The following TET1 variants were observed in gnomAD, a reference collection of about 807,000 sequenced individuals.
The protein encoded by TET1 is tet methylcytosine dioxygenase 1, also known as methylcytosine dioxygenase TET1.
In TET1, 13 loss-of-function variants were observed where a neutral mutation model predicts 148.7. The ratio of observed to expected loss-of-function variants is 0.09; its 90% confidence interval spans 0.06 to 0.14. TET1 has a LOEUF of 0.14. Among genes scored for constraint, TET1 ranks in the 10% least tolerant of loss-of-function variants. TET1 has a pLI of 1.00. For missense variants in TET1, 2,182 were observed against 2,553.8 expected, an observed-to-expected ratio of 0.85 and a Z score of 3.14; for synonymous variants, 907 against 937.2, an observed-to-expected ratio of 0.97 and a Z score of 0.59.
At chr10:68,648,546 G>A (rs2054885315) in intron 4 of TET1, among the ~76,000 whole-genome samples, 1 of 152,112 alleles carries the variant, frequency 6.6e-6, no homozygotes, top group South Asian at 2.1e-4. Context: ...CTTAAAATAT[G>A]GCTCCAAATC....
chr10:68,561,848 G>C (rs2053558461), intron 1 of TET1, among the ~76,000 whole-genome samples: 1 of 151,974 alleles, frequency 6.6e-6, no homozygotes, highest in Non-Finnish European at 1.5e-5. Flanking sequence ...GGGCATTTCT[G>C]ATCCACTAAA....
chr10:68,652,579 T>C lies in TET1; in HGVS notation c.4446T>C (p.Cys1482=). The change falls in exon 6 of 12, where the codon TGT becomes TGC. Residue 1482 remains cysteine (C), a synonymous_variant. Coordinates refer to ENST00000373644, the MANE Select transcript of TET1 (RefSeq NM_030625.3). The stretch of plus-strand genomic sequence containing the variant: ...AAGAAGGGAAAAGCTCTCATGGGTG[T>C]CCAATTGCTAAGTGGGTAAGTATTT... ...TGKEGKSSHG[C]PIAKWVLRRS... is the part of the protein sequence containing the mutation. The C allele has an allele frequency of 6.2e-7, 1 of 1,610,024 alleles. No individual in the cohort carries two copies. Among genetic ancestry groups the C allele is most frequent in the Non-Finnish European group, 8.5e-7 (1 of 1,177,694 alleles).
intron 2 of TET1, among the ~76,000 whole-genome samples, chr10:68,586,858 C>T (rs1040388627): frequency 1.3e-5 from 2 of 152,144 alleles, no homozygotes; most frequent in African/African-American, 4.8e-5. Context: ...GTCTGCTATA[C>T]AACAGATGCT....
intron 3 of TET1, among the ~76,000 whole-genome samples, chr10:68,622,235 T>C (rs953584576): frequency 9.6e-6 from 1 of 104,648 alleles, no homozygotes; most frequent in South Asian, 3.6e-4. Flanking sequence ...CCTTCCTCCC[T>C]TCCCTCCCTC....
At chr10:68,651,135 T>C (rs986429045) in intron 4 of TET1, among the ~76,000 whole-genome samples, 2 of 152,170 alleles carry the variant, frequency 1.3e-5, no homozygotes, top group Admixed American at 1.3e-4. Context: ...TACAAATAAT[T>C]GTAACAAGGA....
At position 68,691,987 on chromosome 10, in the gene TET1, T is replaced by C. The variant is rs1237528700; in HGVS notation, c.*173T>C. On this transcript the variant is annotated 3_prime_UTR_variant, in exon 12 of 12. Transcript: ENST00000373644. The surrounding 1 kb of genome is among the most constrained non-coding windows in gnomAD (Gnocchi z 4.4). The stretch of plus-strand genomic sequence containing the variant: ...GGGTATTCTTAACTGTGACTATATT[T>C]TGACAATTGGTAGAAGGTGCACATT... The C allele has an allele frequency of 2.8e-6, 2 of 720,576 alleles. No homozygotes were observed. The highest frequency in any genetic ancestry group is 4.3e-6 in the Non-Finnish European group (2 of 463,494). The allele number at this position is 720,576 out of a possible 1,614,324, so 44.6% of individuals were successfully genotyped here. A position where few individuals can be genotyped will look rare whatever the true frequency, so the allele number is the denominator to read the frequency against.
At position 68,604,403 on chromosome 10, in the gene TET1, A is replaced by C. The variant is rs1282713688; in HGVS notation, c.1968+3369A>C. On this transcript the variant is annotated intron_variant, in intron 3 of 11. Transcript: ENST00000373644. ...TTAAGGAAAGAACTAAGGATGGTGA[A>C]GAAATCCAGATCTAATGAAGGCAGA... Among the ~76,000 whole-genome samples the C allele has an allele frequency of 1.7e-4, 26 of 152,348 alleles. No homozygotes were observed. In the East Asian group the frequency reaches 4.6e-3, roughly 27 times the overall value.
chr10:68,580,846 T>C (rs1465273975), intron 2 of TET1, among the ~76,000 whole-genome samples: 2 of 150,372 alleles, frequency 1.3e-5, no homozygotes, highest in Admixed American at 6.7e-5. Context: ...GCCCACACTT[T>C]TGTAATCCCA....
At chr10:68,624,795 A>C (rs958109055) in intron 3 of TET1, among the ~76,000 whole-genome samples, 1 of 145,056 alleles carries the variant, frequency 6.9e-6, no homozygotes, top group Non-Finnish European at 1.5e-5. Flanking sequence ...GCAGTGGCGC[A>C]ATCTCAGCTC....
At chr10:68,629,778 C>T (rs2054541666) in intron 3 of TET1, among the ~76,000 whole-genome samples, 2 of 152,036 alleles carry the variant, frequency 1.3e-5, no homozygotes, top group Non-Finnish European at 2.9e-5. Flanking sequence ...TCTTGTGATC[C>T]ACCCAATTTG....
At chr10:68,659,910 T>C (rs1450328150) in intron 6 of TET1, among the ~76,000 whole-genome samples, 1 of 152,204 alleles carries the variant, frequency 6.6e-6, no homozygotes, top group African/African-American at 2.4e-5. Flanking sequence ...AAAGGTGGAA[T>C]TGTATTGTAA....
chr10:68,568,217 C>CTT (rs566751115), intron 1 of TET1, among the ~76,000 whole-genome samples: 99 of 93,766 alleles, frequency 1.1e-3, no homozygotes, highest in African/African-American at 1.7e-3. Flanking sequence ...CGCGCCCAGT[C>CTT]TTTTTTTTTT....
At chr10:68,632,835 T>TA (rs34118781) in intron 3 of TET1, 59,752 of 432,696 alleles carry the variant, frequency 0.14, 1,233 homozygotes, top group South Asian at 0.2. Context: ...GTTTAAGTTG[T>TA]AAAAAAAAAA....
In TET1 at chr10:68,645,277, C is replaced by T. The variant is rs766969350; in HGVS notation, c.2548C>T (p.His850Tyr). 3 of 1,614,112 alleles carry T rather than the reference C, an allele frequency of 1.9e-6. No homozygotes were observed. The highest frequency in any genetic ancestry group is 1.7e-6 in the Non-Finnish European group (2 of 1,180,030). Residue 850 changes from histidine to tyrosine, a missense_variant, in exon 4 of 12, where the codon CAC (histidine) becomes TAC (tyrosine). This residue lies in a region of TET1 where 582 missense variants were observed against 599.5 expected (regional missense o/e 0.97). Transcript: ENST00000373644. ...HSIINHHASI[H>Y]NEGDQPKTPE... ...CATCATAAATCATCATGCTAGTATACACAATGAAGGTGATCAACCAAAAAC... is the reference window on the plus strand; with the variant it reads ...CATCATAAATCATCATGCTAGTATATACAATGAAGGTGATCAACCAAAAAC...
intron 3 of TET1, among the ~76,000 whole-genome samples, chr10:68,603,859 A>C (rs921023918): frequency 6.6e-6 from 1 of 152,234 alleles, no homozygotes; most frequent in African/African-American, 2.4e-5. Context: ...ATAGCGATCT[A>C]AATCCTGATT....
intron 2 of TET1, among the ~76,000 whole-genome samples, chr10:68,600,777 C>A (rs2054044769): frequency 6.6e-6 from 1 of 152,126 alleles, no homozygotes; most frequent in African/African-American, 2.4e-5. Context: ...AGGGTATTTC[C>A]CTGCTTCATC....
intron 3 of TET1, among the ~76,000 whole-genome samples, chr10:68,613,749 C>A (rs369081558): frequency 6.6e-6 from 1 of 152,192 alleles, no homozygotes; most frequent in African/African-American, 2.4e-5. Flanking sequence ...CCAGCCTAGC[C>A]AACATGGTGA....
At chr10:68,579,844 C>T (rs865835638) in intron 2 of TET1, among the ~76,000 whole-genome samples, 12 of 152,128 alleles carry the variant, frequency 7.9e-5, no homozygotes, top group South Asian at 2.1e-4. Context: ...CCAGTGCATA[C>T]TCTTGCCTCA....
intron 3 of TET1, among the ~76,000 whole-genome samples, chr10:68,641,366 C>T (rs914665769): frequency 5.3e-5 from 8 of 151,784 alleles, no homozygotes; most frequent in Non-Finnish European, 1.2e-4. Flanking sequence ...GCAGTGATTC[C>T]ACCACTGATC....
Sources: gnomAD v4.1 joint callset for allele counts (sites outside exome capture counted in the v4.1 genomes callset) on GRCh38, gnomAD v4.1.1 for gene constraint, gnomAD v4.1.1 regional missense constraint, Gnocchi (gnomAD v3.1) non-coding constraint, MANE v1.5 for transcripts, NCBI Gene and HGNC (gene_info 2026-07-23, HGNC 2026-07-21) for gene names.